BABAM2: variants seen among roughly 807,000 people sequenced by gnomAD.
BABAM2 encodes BRISC and BRCA1 A complex member 2, also known as BRISC and BRCA1-A complex member 2.
A neutral mutation model predicts 54.7 loss-of-function variants in BABAM2; 31 were observed. The ratio of observed to expected loss-of-function variants is 0.57; its 90% confidence interval spans 0.43 to 0.77. The LOEUF (loss-of-function observed/expected upper bound fraction) is 0.77, where lower values mean the gene tolerates loss of function less well. Among genes scored for constraint, BABAM2 ranks in the 30% least tolerant of loss-of-function variants. The pLI is 0.00. For synonymous variants in BABAM2, 167 were observed against 162.9 expected (o/e 1.03, Z -0.19); for missense variants, 364 against 455.8 (o/e 0.80, Z 1.83).
At chr2:28,049,032 G>C (rs1479065130) in intron 6 of BABAM2, among the ~76,000 whole-genome samples, 2 of 152,172 alleles carry the variant, frequency 1.3e-5, no homozygotes, top group Non-Finnish European at 2.9e-5. Flanking sequence ...AGTAGCTAAA[G>C]AAAAGGTTTG....
intron 2 of BABAM2, among the ~76,000 whole-genome samples, chr2:27,919,542 C>T (rs772219345): frequency 6.6e-6 from 1 of 152,146 alleles, no homozygotes; most frequent in Non-Finnish European, 1.5e-5. Context: ...TTATAGAGAG[C>T]TTTTAAAATT....
chr2:28,325,826 C>T lies in BABAM2; in HGVS notation c.1089-12624C>T, dbSNP rs1204293195. Among the ~76,000 whole-genome samples, 1 of 152,212 alleles carries T rather than the reference C, an allele frequency of 6.6e-6. No individual in the cohort carries two copies. The highest frequency in any genetic ancestry group is 6.5e-5 in the Admixed American group (1 of 15,282). The stretch of plus-strand genomic sequence containing the variant: ...CCTGAGCACCTGTGGAAGCCATGAG[C>T]TCTGGCCTCTGGATGCTGAGATCTG... On this transcript the variant is annotated intron_variant, in intron 11 of 11. Transcript: ENST00000379624. This position sits in a 1 kb window ranked among gnomAD's most constrained non-coding sequence, Gnocchi z 4.3.
intron 3 of BABAM2, among the ~76,000 whole-genome samples, chr2:27,944,122 T>C (rs923964281): frequency 1.3e-5 from 2 of 152,312 alleles, no homozygotes; most frequent in East Asian, 1.9e-4. Flanking sequence ...AATTAACTTA[T>C]TGGGCATTTT....
At chr2:27,951,349 T>C (rs947640230) in intron 3 of BABAM2, among the ~76,000 whole-genome samples, 2 of 152,206 alleles carry the variant, frequency 1.3e-5, no homozygotes, top group Non-Finnish European at 2.9e-5. Context: ...TTATTTTCAC[T>C]CATCACATGT....
chr2:28,075,256 T>A (rs1048865043), intron 6 of BABAM2, among the ~76,000 whole-genome samples: 1 of 152,218 alleles, frequency 6.6e-6, no homozygotes, highest in African/African-American at 2.4e-5. Context: ...ACTGTCTGGA[T>A]TGGACTGCAC....
chr2:28,208,029 CTGTGTGTGTGTG>C (rs4043353), intron 7 of BABAM2, among the ~76,000 whole-genome samples: 167 of 149,828 alleles, frequency 1.1e-3, no homozygotes, highest in African/African-American at 3.8e-3. Flanking sequence ...GTGTTAAAGG[CTGTGTGTGTGTG>C]TGTGTGTGTG....
chr2:28,110,270 A>G (rs1039920618), intron 6 of BABAM2, among the ~76,000 whole-genome samples: 5 of 152,118 alleles, frequency 3.3e-5, no homozygotes, highest in South Asian at 2.1e-4. Context: ...TTTTCCATTC[A>G]TCTGTTGATG....
intron 3 of BABAM2, among the ~76,000 whole-genome samples, chr2:27,981,353 T>C (rs991961151): frequency 6.6e-6 from 1 of 152,336 alleles, no homozygotes. Context: ...AACAGCTTTA[T>C]TGAGATACAA....
At chr2:28,094,428 G>A (rs1205041032) in intron 6 of BABAM2, among the ~76,000 whole-genome samples, 2 of 152,036 alleles carry the variant, frequency 1.3e-5, no homozygotes, top group African/African-American at 2.4e-5. Context: ...ATATTCATAT[G>A]GTTCTGACCT....
rs115786139 is a variant in BABAM2 at position 28,303,713 on chromosome 2, G to A, written c.1088+5222G>A. Among the ~76,000 whole-genome samples the A allele has an allele frequency of 7.3e-3, 1,085 of 149,114 alleles. 9 individuals carry two copies. The highest frequency in any genetic ancestry group is 0.025 in the African/African-American group (1,019 of 40,460). On this transcript the variant is annotated intron_variant, in intron 11 of 11. Transcript: ENST00000379624. ...AATTCCCACCTCTCCCCACTCCAAC[G>A]CCCCCCCCACCAAAAGCCTGCTGAT...
intron 4 of BABAM2, among the ~76,000 whole-genome samples, chr2:27,996,106 T>C (rs1014964798): frequency 1.3e-5 from 2 of 152,234 alleles, no homozygotes; most frequent in South Asian, 2.1e-4. Context: ...GTTTGCTTTT[T>C]TCTTGGTTAT....
chr2:28,231,850 C>G (rs964524304), intron 7 of BABAM2, among the ~76,000 whole-genome samples: 2 of 123,480 alleles, frequency 1.6e-5, no homozygotes, highest in Admixed American at 2.1e-4. Flanking sequence ...ATCAGTCACC[C>G]AGGCTAGAGT....
At chr2:28,217,637 C>T (rs1478901714) in intron 7 of BABAM2, among the ~76,000 whole-genome samples, 2 of 152,192 alleles carry the variant, frequency 1.3e-5, no homozygotes, top group East Asian at 3.8e-4. Context: ...TTAACCACCT[C>T]ATTTTTCTGG....
At chr2:28,058,002 G>T (rs561774064) in intron 6 of BABAM2, among the ~76,000 whole-genome samples, 99 of 152,158 alleles carry the variant, frequency 6.5e-4, no homozygotes, top group South Asian at 2.7e-3. Flanking sequence ...AAATTAACCG[G>T]GCATGGTGGC....
At chr2:28,315,819 A>G (rs1242724280) in intron 11 of BABAM2, among the ~76,000 whole-genome samples, 2 of 152,114 alleles carry the variant, frequency 1.3e-5, no homozygotes, top group African/African-American at 4.8e-5. Context: ...TACAAATTAC[A>G]TATTGGTATA....
intron 3 of BABAM2, among the ~76,000 whole-genome samples, chr2:27,987,674 G>C (rs1672497219): frequency 1.3e-5 from 2 of 151,980 alleles, no homozygotes; most frequent in Admixed American, 1.3e-4. Context: ...AATTATCTGG[G>C]CATGGTGACA....
At chr2:28,132,120 CT>C (rs1361989208) in intron 7 of BABAM2, among the ~76,000 whole-genome samples, 9 of 150,698 alleles carry the variant, frequency 6.0e-5, no homozygotes, top group Non-Finnish European at 8.9e-5. Flanking sequence ...TCCTTCCTCC[CT>C]TTTTTTTCTT....
chr2:28,016,290 T>C, intron 4 of BABAM2: 1 of 973,436 alleles, frequency 1.0e-6, no homozygotes. Flanking sequence ...TTCTCATTCA[T>C]TTTTTCTTCA....
intron 10 of BABAM2, among the ~76,000 whole-genome samples, chr2:28,251,219 G>A (rs1683451128): frequency 1.3e-5 from 2 of 149,870 alleles, no homozygotes; most frequent in South Asian, 4.2e-4. Context: ...CAATTATTTT[G>A]TTTTTCAGAG....
Sources: allele counts gnomAD v4.1 joint callset (sites outside exome capture counted in the v4.1 genomes callset), GRCh38; gene constraint gnomAD v4.1.1; non-coding constraint Gnocchi (gnomAD v3.1); transcripts MANE v1.5; gene names NCBI Gene and HGNC (gene_info 2026-07-23, HGNC 2026-07-21).